The following AMMECR1 variants were observed in gnomAD, a reference collection of about 807,000 sequenced individuals.
AMMECR1 encodes nuclear protein AMMECR1.
Under a neutral mutation model 22.5 loss-of-function variants are expected in AMMECR1, and 3 were observed. The observed-to-expected ratio is 0.13, with a 90% CI of 0.06 to 0.35. The LOEUF is 0.35. AMMECR1 is among the 10% of genes least tolerant of loss of function. The pLI is 1.00. For synonymous variants in AMMECR1, 130 were observed against 116.7 expected (o/e 1.11, Z -0.74); for missense variants, 235 against 278.7 (o/e 0.84, Z 1.12).
At chrX:110,248,331 A>C (rs1483846540) in intron 2 of AMMECR1, among the ~76,000 whole-genome samples, 1 of 110,908 alleles carries the variant, frequency 9.0e-6, no homozygotes, top group Non-Finnish European at 1.9e-5. Flanking sequence ...GGCTGCAATG[A>C]GCTGTGATTG....
Position 110,195,778 on chromosome X carries a change from A to G in AMMECR1, c.*2742T>C, listed in dbSNP as rs2067366550. ...ATTTCAACATGTTCAAAGTTAATTC[A>G]TACCACATAATTAACAGCTTTGTAT... On this transcript the variant is annotated 3_prime_UTR_variant, in exon 6 of 6. Coordinates refer to ENST00000262844, the MANE Select transcript of AMMECR1 (RefSeq NM_015365.3). 1 of 112,586 alleles carries G rather than the reference A, an allele frequency of 8.9e-6. No homozygotes were observed. Among genetic ancestry groups the G allele is most frequent in the South Asian group, 3.7e-4 (1 of 2,733 alleles). 9.3% of individuals were successfully genotyped at this position (112,586 alleles called of 1,213,427 possible). A position where few individuals can be genotyped will look rare whatever the true frequency, so the allele number is the denominator to read the frequency against.
intron 2 of AMMECR1, among the ~76,000 whole-genome samples, chrX:110,417,123 T>G (rs1039319569): frequency 1.8e-5 from 2 of 111,875 alleles, no homozygotes; most frequent in Non-Finnish European, 3.8e-5. Context: ...TGCTCTTCCC[T>G]ACCGCACTCA....
chrX:110,287,583 C>G (rs556046954), intron 1 of AMMECR1, among the ~76,000 whole-genome samples: 1 of 111,782 alleles, frequency 8.9e-6, no homozygotes, highest in South Asian at 3.8e-4. Context: ...TACCCGACCT[C>G]AACAATTTCT....
At position 110,263,082 on chromosome X, in the gene AMMECR1, T is replaced by C. The variant is rs142638938; in HGVS notation, c.584+1407A>G. Reference sequence around the variant, plus strand: ...CCAGTGTTCCTCATAACAACTTATTTTGGGAAATGTACAATAAATTGCCAT... The same window carrying C: ...CCAGTGTTCCTCATAACAACTTATTCTGGGAAATGTACAATAAATTGCCAT... On this transcript the variant is annotated intron_variant, in intron 2 of 5. Coordinates refer to ENST00000262844, the MANE Select transcript of AMMECR1 (RefSeq NM_015365.3). Among the ~76,000 whole-genome samples the C allele has an allele frequency of 1.9e-3, 217 of 111,553 alleles. 1 individual carries two copies. Among genetic ancestry groups the C allele is most frequent in the African/African-American group, 6.6e-3 (204 of 30,808 alleles).
chrX:110,227,098 G>A (rs146892153), intron 2 of AMMECR1, among the ~76,000 whole-genome samples: 92 of 111,906 alleles, frequency 8.2e-4, no homozygotes, highest in African/African-American at 2.9e-3. Flanking sequence ...TGGTGGGCCT[G>A]TTTCTGATTT....
At chrX:110,375,037 T>A in intron 2 of AMMECR1, among the ~76,000 whole-genome samples, 1 of 111,655 alleles carries the variant, frequency 9.0e-6, no homozygotes, top group Non-Finnish European at 1.9e-5. Context: ...AGGCCCCTAG[T>A]TCTCCTGTTT....
At chrX:110,393,224 TA>T (rs1167870490) in intron 2 of AMMECR1, among the ~76,000 whole-genome samples, 3 of 111,403 alleles carry the variant, frequency 2.7e-5, no homozygotes, top group Non-Finnish European at 5.7e-5. Flanking sequence ...TTGGACCACT[TA>T]ACTTCCAGGA....
intron 1 of AMMECR1, among the ~76,000 whole-genome samples, chrX:110,434,898 G>C (rs2068825078): frequency 9.1e-6 from 1 of 109,446 alleles, no homozygotes; most frequent in Admixed American, 9.7e-5. Flanking sequence ...TAATGAGGGA[G>C]GTGGTGGGGG....
At chrX:110,381,020 A>C (rs1228827884) in intron 2 of AMMECR1, among the ~76,000 whole-genome samples, 2 of 112,372 alleles carry the variant, frequency 1.8e-5, no homozygotes, top group Non-Finnish European at 1.9e-5. Context: ...TATCCTTTGG[A>C]CATCAGCCTA....
intron 2 of AMMECR1, among the ~76,000 whole-genome samples, chrX:110,376,262 C>G (rs760708614): frequency 5.9e-4 from 65 of 111,034 alleles, no homozygotes; most frequent in Non-Finnish European, 9.6e-4. Flanking sequence ...TCACTAGAAG[C>G]AGGATCGCTA....
chrX:110,434,613 G>C (rs2068822734), intron 1 of AMMECR1, among the ~76,000 whole-genome samples: 1 of 111,783 alleles, frequency 8.9e-6, no homozygotes, highest in Non-Finnish European at 1.9e-5. Flanking sequence ...TGTCAACTGA[G>C]GCAGGGAACA....
At chrX:110,355,224 C>A (rs982554748) in intron 2 of AMMECR1, among the ~76,000 whole-genome samples, 4 of 110,913 alleles carry the variant, frequency 3.6e-5, no homozygotes, top group Admixed American at 9.5e-5. Flanking sequence ...GAAGCAAGAC[C>A]CCTGTCTCTA....
At chrX:110,270,699 C>T (rs916925895) in intron 1 of AMMECR1, among the ~76,000 whole-genome samples, 6 of 111,678 alleles carry the variant, frequency 5.4e-5, no homozygotes, top group African/African-American at 2.0e-4. Context: ...AACACTAGCC[C>T]CAATTTATAA....
chrX:110,353,981 A>G (rs2068220671), intron 2 of AMMECR1, among the ~76,000 whole-genome samples: 1 of 112,569 alleles, frequency 8.9e-6, no homozygotes, highest in Non-Finnish European at 1.9e-5. Flanking sequence ...AGATCTGTAT[A>G]GTAAAAACTA....
At chrX:110,259,607 T>C (rs1242244461) in intron 2 of AMMECR1, among the ~76,000 whole-genome samples, 1 of 107,502 alleles carries the variant, frequency 9.3e-6, no homozygotes, top group Admixed American at 9.9e-5. Context: ...TTTTTTTTTT[T>C]AAGAGATGGA....
At chrX:110,253,523 C>G (rs1029104104) in intron 2 of AMMECR1, among the ~76,000 whole-genome samples, 1 of 112,850 alleles carries the variant, frequency 8.9e-6, no homozygotes, top group African/African-American at 3.2e-5. Context: ...TAGATGACAA[C>G]TTTAAAATGT....
chrX:110,414,304 C>T (rs1271632107), intron 2 of AMMECR1, among the ~76,000 whole-genome samples: 2 of 112,535 alleles, frequency 1.8e-5, no homozygotes, highest in East Asian at 5.6e-4. Context: ...ATAGCACTTG[C>T]AAACTTTCTC....
intron 2 of AMMECR1, among the ~76,000 whole-genome samples, chrX:110,221,581 T>G (rs1051947134): frequency 9.0e-6 from 1 of 111,627 alleles, no homozygotes; most frequent in African/African-American, 3.3e-5. Context: ...GTTACTTAAC[T>G]GGGAGATGTT....
intron 2 of AMMECR1, among the ~76,000 whole-genome samples, chrX:110,263,141 C>T (rs1197118721): frequency 9.1e-6 from 1 of 110,424 alleles, no homozygotes; most frequent in East Asian, 2.8e-4. Flanking sequence ...TAATATGTAC[C>T]TGTCCCAAAA....
Sources: gnomAD v4.1 joint callset for allele counts (sites outside exome capture counted in the v4.1 genomes callset) on GRCh38, gnomAD v4.1.1 for gene constraint, MANE v1.5 for transcripts, NCBI Gene and HGNC (gene_info 2026-07-23, HGNC 2026-07-21) for gene names.